The following CTNNA3 variants were observed in gnomAD, a reference collection of about 807,000 sequenced individuals.
CTNNA3 encodes catenin alpha-3.
In CTNNA3, 76 loss-of-function variants were observed where a neutral mutation model predicts 95.7. The observed-to-expected ratio is 0.79, with a 90% confidence interval of 0.66 to 0.96. CTNNA3 has a LOEUF of 0.96. Ranked by LOEUF, CTNNA3 falls within the 40% of genes least tolerant of loss-of-function variation. CTNNA3 has a pLI of 0.00. For synonymous variants in CTNNA3, 431 were observed against 374.4 expected, an observed-to-expected ratio of 1.15 and a Z score of -1.74; for missense variants, 1,191 against 1,089.8, an observed-to-expected ratio of 1.09 and a Z score of -1.31.
intron 11 of CTNNA3, among the ~76,000 whole-genome samples, chr10:66,388,529 T>C (rs2092911143): frequency 6.6e-6 from 1 of 152,274 alleles, no homozygotes; most frequent in African/African-American, 2.4e-5. Context: ...CTTTTTTTGT[T>C]TGGCTTTGCA....
At chr10:66,032,334 T>C (rs1332338648) in intron 15 of CTNNA3, among the ~76,000 whole-genome samples, 1 of 152,150 alleles carries the variant, frequency 6.6e-6, no homozygotes, top group Non-Finnish European at 1.5e-5. Flanking sequence ...ATGAATTATG[T>C]AGAGGTATTT....
At position 67,550,802 on chromosome 10, in the gene CTNNA3, C is replaced by T. The variant is rs2133227536; in HGVS notation, c.293-11133G>A. 3.9e-5 allele frequency among the ~76,000 whole-genome samples: 6 copies of T among 152,052 alleles called. No homozygotes were observed. The South Asian group carries it at 1.3e-3, about 32-fold the overall frequency. ...TGGAGTTTTTAAAAGGCAAAAGTAT[C>T]CTCACTGCTGTGTTCATATTTTATA... On this transcript the variant is annotated intron_variant, in intron 3 of 17. Transcript: ENST00000433211.
At chr10:66,529,766 A>G (rs1430516410) in intron 10 of CTNNA3, among the ~76,000 whole-genome samples, 1 of 152,148 alleles carries the variant, frequency 6.6e-6, no homozygotes, top group African/African-American at 2.4e-5. Context: ...TGACAAGACA[A>G]TGGAGGCACA....
intron 7 of CTNNA3, among the ~76,000 whole-genome samples, chr10:67,054,079 G>A (rs577544896): frequency 2.2e-4 from 33 of 152,110 alleles, no homozygotes; most frequent in East Asian, 9.7e-4. Context: ...AGTATTTACC[G>A]TTTCAAAAGT....
chr10:67,562,257 T>C (rs1487798038), intron 3 of CTNNA3, among the ~76,000 whole-genome samples: 2 of 152,094 alleles, frequency 1.3e-5, no homozygotes, highest in African/African-American at 4.8e-5. Context: ...ACTGGCAAAC[T>C]GAATCCAGCA....
intron 13 of CTNNA3, among the ~76,000 whole-genome samples, chr10:66,191,199 G>C (rs1414489588): frequency 9.2e-5 from 14 of 152,074 alleles, no homozygotes; most frequent in Non-Finnish European, 1.0e-4. Flanking sequence ...TGCTCTGTAG[G>C]ATAAATAAAT....
At chr10:66,497,327 T>C (rs910159971) in intron 11 of CTNNA3, among the ~76,000 whole-genome samples, 1 of 151,770 alleles carries the variant, frequency 6.6e-6, no homozygotes, top group Non-Finnish European at 1.5e-5. Context: ...TTGCAGTTTT[T>C]GTCATCACTT....
At chr10:66,399,668 A>C (rs1032790586) in intron 11 of CTNNA3, among the ~76,000 whole-genome samples, 1 of 151,998 alleles carries the variant, frequency 6.6e-6, no homozygotes, top group African/African-American at 2.4e-5. Flanking sequence ...CTATGCTGTC[A>C]TCTAAAAAAC....
intron 5 of CTNNA3, among the ~76,000 whole-genome samples, chr10:67,489,771 A>G (rs1229599508): frequency 2.7e-5 from 4 of 147,180 alleles, no homozygotes; most frequent in Non-Finnish European, 3.0e-5. Context: ...ACTTAAGTAT[A>G]TTTATAATAC....
chr10:67,268,889 C>A (rs180911117), intron 5 of CTNNA3, among the ~76,000 whole-genome samples: 54 of 151,880 alleles, frequency 3.6e-4, no homozygotes, highest in African/African-American at 1.3e-3. Flanking sequence ...ATAAGCCATG[C>A]AATAATAACT....
At chr10:67,428,546 T>C (rs1845998207) in intron 5 of CTNNA3, among the ~76,000 whole-genome samples, 1 of 152,138 alleles carries the variant, frequency 6.6e-6, no homozygotes, top group Admixed American at 6.6e-5. Flanking sequence ...CCTGGGGAGA[T>C]GAGTTAATTA....
intron 17 of CTNNA3, among the ~76,000 whole-genome samples, chr10:65,924,662 T>C (rs145914080): frequency 6.6e-6 from 1 of 152,332 alleles, no homozygotes; most frequent in East Asian, 1.9e-4. Flanking sequence ...TCCCTAACAC[T>C]GAGCCAACAG....
intron 1 of CTNNA3, among the ~76,000 whole-genome samples, chr10:67,693,560 T>G (rs149111826): frequency 3.3e-5 from 5 of 152,280 alleles, no homozygotes; most frequent in African/African-American, 1.2e-4. Context: ...AGAATGAAAC[T>G]CCCATCCTTC....
rs561613353 is a variant in CTNNA3 at position 67,491,396 on chromosome 10, C to T, written c.579+30446G>A. ...ATTACAGTAGAAGGAGAAACACATA[C>T]AGTATGACAAGTGATGGGATAAAAG... On this transcript the variant is annotated intron_variant, in intron 5 of 17. Coordinates refer to ENST00000433211, the MANE Select transcript of CTNNA3 (RefSeq NM_013266.4). Among the ~76,000 whole-genome samples the T allele has an allele frequency of 4.6e-5, 7 of 152,286 alleles. No homozygotes were observed. In the South Asian group the frequency reaches 1.5e-3, roughly 32 times the overall value.
chr10:66,446,598 G>GA (rs1309988533), intron 11 of CTNNA3, among the ~76,000 whole-genome samples: 6 of 151,984 alleles, frequency 3.9e-5, no homozygotes, highest in Non-Finnish European at 1.5e-5. Flanking sequence ...AATAGATGCA[G>GA]AAAAGGCCTT....
At chr10:66,662,673 T>C (rs1846303973) in intron 9 of CTNNA3, among the ~76,000 whole-genome samples, 1 of 152,110 alleles carries the variant, frequency 6.6e-6, no homozygotes, top group Non-Finnish European at 1.5e-5. Flanking sequence ...CTTAGGGGTA[T>C]TTCTACTACA....
chr10:66,783,466 A>G (rs1840619520), intron 7 of CTNNA3, among the ~76,000 whole-genome samples: 1 of 152,150 alleles, frequency 6.6e-6, no homozygotes, highest in African/African-American at 2.4e-5. Flanking sequence ...CTGGAGTAAG[A>G]TCTGACTCAT....
At chr10:66,229,840 A>G (rs1403716017) in intron 13 of CTNNA3, among the ~76,000 whole-genome samples, 2 of 152,008 alleles carry the variant, frequency 1.3e-5, no homozygotes, top group African/African-American at 2.4e-5. Context: ...TCTTGCTGTA[A>G]CTTCTATAAT....
rs745396179 is a variant in CTNNA3 at position 66,360,649 on chromosome 10, T to TTC, written c.1732+18501_1732+18502dup. Reference sequence around the variant, plus strand: ...TTTCTTTCTTTCTTTCTTTCTTTCTTTCTTTCTTTCTTCCTTCCTTCCTTC... The same window carrying TTC: ...TTTCTTTCTTTCTTTCTTTCTTTCTTTCTCTTTCTTTCTTCCTTCCTTCCTTC... On this transcript the variant is annotated intron_variant, in intron 12 of 17. Coordinates refer to ENST00000433211, the MANE Select transcript of CTNNA3 (RefSeq NM_013266.4). Among the ~76,000 whole-genome samples, 24 of 67,804 alleles carry TTC rather than the reference T, an allele frequency of 3.5e-4. 1 individual carries two copies. The highest frequency in any genetic ancestry group is 6.2e-4 in the Non-Finnish European group (21 of 33,626). 44.5% of individuals were successfully genotyped at this position (67,804 alleles called of 152,430 possible).
Sources: gnomAD v4.1 joint callset for allele counts (sites outside exome capture counted in the v4.1 genomes callset) on GRCh38, gnomAD v4.1.1 for gene constraint, MANE v1.5 for transcripts, NCBI Gene and HGNC (gene_info 2026-07-23, HGNC 2026-07-21) for gene names.